Variants in GPR149 observed in about 807,000 individuals in gnomAD.
GPR149 encodes probable G protein-coupled receptor 149.
A neutral mutation model predicts 50.2 loss-of-function variants in GPR149; 50 were observed. That is an observed-to-expected ratio of 1.00 (90% CI 0.79 to 1.26). GPR149 has a LOEUF of 1.26. Ranked by LOEUF, GPR149 falls within the 50% of genes most tolerant of loss-of-function variation. GPR149 has a pLI of 0.00. For missense variants in GPR149, 983 were observed against 895.4 expected (o/e 1.10, Z -1.25); for synonymous variants, 405 against 358.2 (o/e 1.13, Z -1.48).
intron 1 of GPR149, among the ~76,000 whole-genome samples, chr3:154,428,206 C>T (rs1445301444): frequency 6.6e-6 from 1 of 152,186 alleles, no homozygotes; most frequent in Non-Finnish European, 1.5e-5. Flanking sequence ...CTCTATCCCG[C>T]CCTGCTGGAG....
chr3:154,338,326 A>G (rs1713706574), intron 3 of GPR149, 55 bp from the exon 4 acceptor site: 1 of 1,313,292 alleles, frequency 7.6e-7, no homozygotes. Context: ...AGGTTGAGAC[A>G]TTTAGAAATT....
chr3:154,356,242 G>T (rs1371106759), intron 3 of GPR149, among the ~76,000 whole-genome samples: 1 of 152,148 alleles, frequency 6.6e-6, no homozygotes, highest in African/African-American at 2.4e-5. Flanking sequence ...AGACATACCT[G>T]AGACTGGATA....
chr3:154,380,881 G>A (rs578183370), intron 3 of GPR149, among the ~76,000 whole-genome samples: 4 of 152,128 alleles, frequency 2.6e-5, no homozygotes, highest in African/African-American at 7.2e-5. Flanking sequence ...TTAGCAGAAA[G>A]AGCTGAAAGA....
chr3:154,338,949 T>C (rs1713719681), intron 3 of GPR149, among the ~76,000 whole-genome samples: 1 of 152,210 alleles, frequency 6.6e-6, no homozygotes, highest in African/African-American at 2.4e-5. Flanking sequence ...ATGCTTTATG[T>C]ATTAAGATTT....
intron 3 of GPR149, among the ~76,000 whole-genome samples, chr3:154,413,643 T>TTA (rs1711903436): frequency 6.7e-6 from 1 of 148,228 alleles, no homozygotes; most frequent in Admixed American, 6.8e-5. Flanking sequence ...GATTATAAAA[T>TTA]AAAAAAAAAA....
intron 3 of GPR149, among the ~76,000 whole-genome samples, chr3:154,354,443 A>G (rs903158655): frequency 1.3e-5 from 2 of 152,158 alleles, no homozygotes; most frequent in Non-Finnish European, 2.9e-5. Context: ...GCCTTCAAAT[A>G]CTGCCACCTT....
Position 154,392,907 on chromosome 3 carries a change from C to G in GPR149, c.1623+28132G>C, listed in dbSNP as rs189415442. Among the ~76,000 whole-genome samples the G allele has an allele frequency of 2.1e-3, 325 of 151,994 alleles. 1 individual carries two copies. The highest frequency in any genetic ancestry group is 7.2e-3 in the African/African-American group (297 of 41,526). On this transcript the variant is annotated intron_variant, in intron 3 of 3. Transcript: ENST00000389740. ...GAAGAAACAGAAAATCTGAACAGAC[C>G]TATACCCAGTGGAGGGATTGAAATA...
At chr3:154,396,715 T>C (rs907257124) in intron 3 of GPR149, among the ~76,000 whole-genome samples, 4 of 152,040 alleles carry the variant, frequency 2.6e-5, no homozygotes, top group African/African-American at 9.7e-5. Flanking sequence ...ATTATGTATG[T>C]AAGAACTTTG....
At chr3:154,347,457 G>A (rs1053139245) in intron 3 of GPR149, among the ~76,000 whole-genome samples, 1 of 152,160 alleles carries the variant, frequency 6.6e-6, no homozygotes, top group Non-Finnish European at 1.5e-5. Context: ...CAGCATGGGG[G>A]TAACTGCCCC....
intron 3 of GPR149, chr3:154,352,570 T>A: frequency 1.3e-6 from 1 of 775,968 alleles, no homozygotes; most frequent in Non-Finnish European, 2.4e-6. Flanking sequence ...TCCTCTAGGC[T>A]TTCCAGAGTC....
intron 3 of GPR149, among the ~76,000 whole-genome samples, chr3:154,363,811 T>C (rs1031427331): frequency 6.6e-6 from 1 of 151,582 alleles, no homozygotes; most frequent in Non-Finnish European, 1.5e-5. Context: ...TGCATTCCCC[T>C]ATTTTAAGCC....
intron 3 of GPR149, among the ~76,000 whole-genome samples, chr3:154,396,839 A>T (rs1715304366): frequency 6.6e-6 from 1 of 151,602 alleles, no homozygotes; most frequent in Admixed American, 6.6e-5. Context: ...GTTAAAAAAA[A>T]TAGATGGTCT....
At chr3:154,373,954 A>G (rs1323011502) in intron 3 of GPR149, among the ~76,000 whole-genome samples, 1 of 152,174 alleles carries the variant, frequency 6.6e-6, no homozygotes, top group East Asian at 1.9e-4. Flanking sequence ...GGGAAAATCA[A>G]TTTTAAGTTT....
At chr3:154,352,107 T>C in intron 3 of GPR149, 2 of 673,332 alleles carry the variant, frequency 3.0e-6, no homozygotes, top group South Asian at 3.2e-5. Flanking sequence ...AATAGGCAAG[T>C]TCACACTGGT....
At chr3:154,375,246 AATAG>A (rs1191643754) in intron 3 of GPR149, among the ~76,000 whole-genome samples, 1 of 152,190 alleles carries the variant, frequency 6.6e-6, no homozygotes, top group African/African-American at 2.4e-5. Flanking sequence ...CTTTGTCTTC[AATAG>A]TTCCATGCCA....
chr3:154,419,859 T>C (rs775584825), intron 3 of GPR149, among the ~76,000 whole-genome samples: 19 of 152,068 alleles, frequency 1.2e-4, no homozygotes, highest in Non-Finnish European at 2.4e-4. Flanking sequence ...ATATGGAGCG[T>C]TGTGTTCTTT....
At chr3:154,425,974 C>A (rs1712281187) in intron 2 of GPR149, among the ~76,000 whole-genome samples, 1 of 151,776 alleles carries the variant, frequency 6.6e-6, no homozygotes, top group Admixed American at 6.6e-5. Flanking sequence ...TGGCACTAGA[C>A]CATCCTTCTC....
chr3:154,399,341 CAT>C (rs1715366842), intron 3 of GPR149, among the ~76,000 whole-genome samples: 1 of 152,144 alleles, frequency 6.6e-6, no homozygotes. Context: ...CTGCAACTCT[CAT>C]ATAAAAGTTA....
chr3:154,416,716 G>T (rs559302172), intron 3 of GPR149, among the ~76,000 whole-genome samples: 1 of 151,796 alleles, frequency 6.6e-6, no homozygotes, highest in Non-Finnish European at 1.5e-5. Context: ...ATTAGTTCTT[G>T]TTGGCCTTAT....
Sources: gnomAD v4.1 joint callset for allele counts (sites outside exome capture counted in the v4.1 genomes callset) on GRCh38, gnomAD v4.1.1 for gene constraint, MANE v1.5 for transcripts, NCBI Gene and HGNC (gene_info 2026-07-23, HGNC 2026-07-21) for gene names.